Variants in SLC25A30 observed in about 807,000 individuals in gnomAD.
SLC25A30 encodes solute carrier family 25 member 30, also known as kidney mitochondrial carrier protein 1.
In SLC25A30, 29 loss-of-function variants were observed where a neutral mutation model predicts 42.7. The observed-to-expected ratio is 0.68, with a 90% CI of 0.51 to 0.93. The LOEUF is 0.93. Ranked by LOEUF, SLC25A30 falls within the 40% of genes least tolerant of loss-of-function variation. The probability of loss-of-function intolerance (pLI) is 0.00; values close to 1 mark genes in which losing one functional copy is unlikely to be tolerated. For missense variants in SLC25A30, 300 were observed against 359.7 expected (o/e 0.83, Z 1.34); for synonymous variants, 124 against 131.0 (o/e 0.95, Z 0.37).
chr13:45,400,415 G>A (rs1053649638), intron 7 of SLC25A30, among the ~76,000 whole-genome samples: 2 of 152,060 alleles, frequency 1.3e-5, no homozygotes, highest in African/African-American at 4.8e-5. Context: ...GTGAGACCCC[G>A]TCTCACATAA....
In SLC25A30 at chr13:45,393,999, AAG is replaced by A. The variant is rs1437437317; in HGVS notation, c.*1973_*1974del. 1.0e-6 allele frequency: 1 copy of A among 984,858 alleles called. No homozygotes were observed. The highest frequency in any genetic ancestry group is 1.2e-6 in the Non-Finnish European group (1 of 829,490). 61.0% of individuals were successfully genotyped at this position (984,858 alleles called of 1,614,324 possible). On this transcript the variant is annotated 3_prime_UTR_variant, in exon 10 of 10. Coordinates refer to ENST00000519676, the MANE Select transcript of SLC25A30 (RefSeq NM_001010875.4). ...AAGTAAAATTTTTCTACATTAAAAA[AAG>A]AGCATTTCAAGAAAAGCAATCTTTA...
upstream of SLC25A30, among the ~76,000 whole-genome samples, chr13:45,420,586 C>T (rs1883867724): frequency 6.6e-6 from 1 of 152,208 alleles, no homozygotes; most frequent in African/African-American, 2.4e-5. Flanking sequence ...CACCCAAACT[C>T]TACCATTACC....
upstream of SLC25A30, among the ~76,000 whole-genome samples, chr13:45,418,940 CAAAAAAAAAAAAAAAAAAAA>C (rs1168457204): frequency 7.7e-3 from 114 of 14,822 alleles, no homozygotes; most frequent in African/African-American, 0.017. Flanking sequence ...GACTTCGTCT[CAAAAAAAAAAAAAAAAAAAA>C]AAAAAAAAAA....
upstream of SLC25A30, among the ~76,000 whole-genome samples, chr13:45,418,946 A>AAACAAAAAC (rs1463476142): frequency 2.0e-5 from 1 of 48,916 alleles, no homozygotes; most frequent in Non-Finnish European, 3.7e-5. Context: ...GTCTCAAAAA[A>AAACAAAAAC]AAAAAAAAAA....
intron 1 of SLC25A30, among the ~76,000 whole-genome samples, chr13:45,414,667 C>CAT (rs1883367246): frequency 6.6e-6 from 1 of 151,404 alleles, no homozygotes; most frequent in South Asian, 2.1e-4. Context: ...CACACACACA[C>CAT]ACACGAAAAC....
upstream of SLC25A30, among the ~76,000 whole-genome samples, chr13:45,419,174 C>CA (rs1430142481): frequency 7.2e-6 from 1 of 139,154 alleles, no homozygotes; most frequent in Non-Finnish European, 1.5e-5. Flanking sequence ...CCAAACAGAA[C>CA]AAAAAATTAA....
the SLC25A30 span, among the ~76,000 whole-genome samples, chr13:45,423,992 AAT>A: frequency 2.4e-4 from 14 of 59,502 alleles, no homozygotes; most frequent in African/African-American, 2.9e-4. Context: ...TATTTATATA[AAT>A]ATATATAAAA....
chr13:45,412,807 G>A (rs1302857979), intron 1 of SLC25A30, among the ~76,000 whole-genome samples: 1 of 152,124 alleles, frequency 6.6e-6, no homozygotes, highest in Non-Finnish European at 1.5e-5. Flanking sequence ...GACATGTTCT[G>A]CAGTTGTATG....
At chr13:45,407,163 C>CGAG (rs1348542143) in intron 3 of SLC25A30, among the ~76,000 whole-genome samples, 19 of 152,184 alleles carry the variant, frequency 1.2e-4, no homozygotes, top group African/African-American at 4.6e-4. Context: ...TTTGGGAGGC[C>CGAG]GAGACGGGTG....
At chr13:45,425,516 GCA>G in the SLC25A30 span, among the ~76,000 whole-genome samples, 1 of 90,822 alleles carries the variant, frequency 1.1e-5, no homozygotes, top group African/African-American at 4.2e-5. Context: ...ATATATATAA[GCA>G]TATATATAAA....
At position 45,397,274 on chromosome 13, in the gene SLC25A30, C is replaced by T; in HGVS notation, c.818G>A (p.Gly273Asp). ...AAAGGATACAATGATATTCCAAGGA[C>T]CAAGTCTCAACCAATTTGGCCAAAA... The part of the protein sequence containing the change: ...KGFWPNWLRL[G>D]PWNIIFFVTY... The change falls in exon 9 of 10, where the codon GGT becomes GAT. Residue 273 changes from glycine (G) to aspartate (D), a missense_variant. Physicochemically the swap from Gly to Asp is moderately conservative, Grantham distance 94 (BLOSUM62 -1). Transcript: ENST00000519676. 6.2e-7 allele frequency: 1 copy of T among 1,610,228 alleles called. No homozygotes were observed. Among genetic ancestry groups the T allele is most frequent in the South Asian group, 1.1e-5 (1 of 90,978 alleles).
chr13:45,411,829 G>A (rs931326767), intron 1 of SLC25A30: 1 of 207,644 alleles, frequency 4.8e-6, no homozygotes, highest in East Asian at 1.2e-4. Flanking sequence ...ATAAGTATTT[G>A]CAGCAGCCAT....
At chr13:45,416,788 G>T (rs958976821) in intron 1 of SLC25A30, among the ~76,000 whole-genome samples, 1 of 151,958 alleles carries the variant, frequency 6.6e-6, no homozygotes, top group Non-Finnish European at 1.5e-5. Context: ...AATAAATAAA[G>T]GTTAAAAACA....
intron 2 of SLC25A30, among the ~76,000 whole-genome samples, chr13:45,409,465 A>G (rs1882813384): frequency 6.6e-6 from 1 of 151,356 alleles, no homozygotes; most frequent in Non-Finnish European, 1.5e-5. Flanking sequence ...AGAGGTAAAA[A>G]AAGTTCATTT....
chr13:45,399,794 T>TA (rs1450454100), intron 7 of SLC25A30, among the ~76,000 whole-genome samples: 2 of 151,916 alleles, frequency 1.3e-5, no homozygotes, highest in Non-Finnish European at 2.9e-5. Flanking sequence ...AAAGATCTCC[T>TA]TACTATAATG....
At chr13:45,425,165 T>C in the SLC25A30 span, among the ~76,000 whole-genome samples, 9,177 of 59,448 alleles carry the variant, frequency 0.15, 1,827 homozygotes, top group Non-Finnish European at 0.23. Flanking sequence ...GATAAATATA[T>C]ATAAGTATAT....
the SLC25A30 span, among the ~76,000 whole-genome samples, chr13:45,427,807 C>T: frequency 7.3e-6 from 1 of 136,284 alleles, no homozygotes; most frequent in Non-Finnish European, 1.6e-5. Context: ...GCAGTGGTGC[C>T]ATCTCGGCTC....
At chr13:45,420,614 A>G (rs1401902743), upstream of SLC25A30, among the ~76,000 whole-genome samples, 1 of 152,200 alleles carries the variant, frequency 6.6e-6, no homozygotes, top group Non-Finnish European at 1.5e-5. Context: ...CCACCAGCCC[A>G]TGCTAATACT....
At chr13:45,411,717 T>C in intron 1 of SLC25A30, 1 of 418,498 alleles carries the variant, frequency 2.4e-6, no homozygotes, top group East Asian at 4.9e-5. Context: ...CAAGAAGTAA[T>C]CAGCTACTTT....
Sources: allele counts gnomAD v4.1 joint callset (sites outside exome capture counted in the v4.1 genomes callset), GRCh38; gene constraint gnomAD v4.1.1; transcripts MANE v1.5; gene names NCBI Gene and HGNC (gene_info 2026-07-23, HGNC 2026-07-21).